The following NAV3 variants were observed in gnomAD, a reference collection of about 807,000 sequenced individuals.
The protein encoded by NAV3 is pore membrane and/or filament interacting like protein 1.
In NAV3, 87 loss-of-function variants were observed where a neutral mutation model predicts 244.7. The ratio of observed to expected loss-of-function variants is 0.36; its 90% confidence interval spans 0.30 to 0.42. The LOEUF (loss-of-function observed/expected upper bound fraction) is 0.42, where lower values mean the gene tolerates loss of function less well. Ranked by LOEUF, NAV3 falls within the 20% of genes least tolerant of loss-of-function variation. The pLI is 1.00. For missense variants in NAV3, 2,663 were observed against 2,893.3 expected (o/e 0.92, Z 1.83); for synonymous variants, 1,126 against 1,042.2 (o/e 1.08, Z -1.55).
At chr12:77,641,547 A>G (rs1032440029) in intron 2 of NAV3, among the ~76,000 whole-genome samples, 1 of 152,180 alleles carries the variant, frequency 6.6e-6, no homozygotes, top group East Asian at 1.9e-4. Flanking sequence ...TAGAACAAAA[A>G]ATAACCTTTT....
At chr12:78,043,614 G>T (rs146805703) in intron 9 of NAV3, among the ~76,000 whole-genome samples, 99 of 152,104 alleles carry the variant, frequency 6.5e-4, no homozygotes, top group African/African-American at 2.2e-3. Flanking sequence ...ACTTTTTAAT[G>T]ATCGCCATTC....
chr12:78,157,010 A>G (rs1431251294), intron 22 of NAV3, among the ~76,000 whole-genome samples: 2 of 152,172 alleles, frequency 1.3e-5, no homozygotes, highest in African/African-American at 4.8e-5. Context: ...TTTAAAGTGT[A>G]AGCTTGGGTA....
intron 1 of NAV3, among the ~76,000 whole-genome samples, chr12:77,906,290 G>A (rs901510122): frequency 3.3e-5 from 5 of 151,916 alleles, no homozygotes; most frequent in Non-Finnish European, 7.4e-5. Flanking sequence ...ATGAGAGAAA[G>A]CAAACAAGCT....
intron 11 of NAV3, among the ~76,000 whole-genome samples, chr12:78,053,272 G>A: frequency 6.6e-6 from 1 of 151,372 alleles, no homozygotes; most frequent in African/African-American, 2.4e-5. Context: ...GTATGTGTAT[G>A]TATGTATATA....
intron 2 of NAV3, among the ~76,000 whole-genome samples, chr12:77,689,589 ATACTT>A (rs1213078869): frequency 4.0e-5 from 6 of 151,860 alleles, no homozygotes; most frequent in Admixed American, 3.9e-4. Flanking sequence ...GCAGTGCACT[ATACTT>A]AGATGTTTTT....
rs553826758 is a variant in NAV3 at position 77,903,702 on chromosome 12, A to C, written c.244-36617A>C. On this transcript the variant is annotated intron_variant, in intron 1 of 39. Transcript: ENST00000397909. ...CAAAAGAAACTACCATCAGAGTGAAAAGGCAACCTACAGAATGGGAGAAAA... is the reference window on the plus strand; with the variant it reads ...CAAAAGAAACTACCATCAGAGTGAACAGGCAACCTACAGAATGGGAGAAAA... 1.5e-3 allele frequency among the ~76,000 whole-genome samples: 232 copies of C among 152,248 alleles called. 2 individuals carry two copies. The highest frequency in any genetic ancestry group is 5.0e-3 in the African/African-American group (208 of 41,562).
intron 5 of NAV3, among the ~76,000 whole-genome samples, chr12:77,976,923 C>T (rs188824289): frequency 1.3e-5 from 2 of 152,022 alleles, no homozygotes; most frequent in Admixed American, 1.3e-4. Context: ...GATCTGCCTG[C>T]CTCGGCCTCC....
chr12:77,982,532 G>T (rs990398892), intron 5 of NAV3, among the ~76,000 whole-genome samples: 2 of 152,174 alleles, frequency 1.3e-5, no homozygotes, highest in African/African-American at 4.8e-5. Context: ...CGAAGGAAAT[G>T]CCATTTCACA....
intron 2 of NAV3, among the ~76,000 whole-genome samples, chr12:77,696,293 T>G (rs1875295487): frequency 6.6e-6 from 1 of 152,170 alleles, no homozygotes; most frequent in African/African-American, 2.4e-5. Flanking sequence ...GACTGTGACT[T>G]CCGTCTTGCT....
chr12:77,773,443 C>T (rs575768715), intron 2 of NAV3, among the ~76,000 whole-genome samples: 33 of 152,202 alleles, frequency 2.2e-4, no homozygotes, highest in South Asian at 6.2e-4. Context: ...AATGATTTGC[C>T]GGTATTTACC....
At chr12:77,982,828 T>A (rs1367844932) in intron 5 of NAV3, among the ~76,000 whole-genome samples, 2 of 152,178 alleles carry the variant, frequency 1.3e-5, no homozygotes, top group African/African-American at 4.8e-5. Context: ...ACTTCCAAGA[T>A]GACTTCTTCA....
intron 18 of NAV3, among the ~76,000 whole-genome samples, chr12:78,133,180 C>T (rs928105381): frequency 1.3e-5 from 2 of 152,026 alleles, no homozygotes; most frequent in Non-Finnish European, 2.9e-5. Flanking sequence ...TCTCATGTAC[C>T]TCTCCAGATC....
intron 12 of NAV3, among the ~76,000 whole-genome samples, chr12:78,080,254 G>A (rs1014018491): frequency 2.0e-5 from 3 of 152,120 alleles, no homozygotes; most frequent in Admixed American, 2.0e-4. Flanking sequence ...AGTAGAAAGT[G>A]GAAAATGAAA....
Position 78,197,315 on chromosome 12 carries a change from A to T in NAV3, c.6360A>T (p.Pro2120=). The T allele has an allele frequency of 6.2e-7, 1 of 1,608,910 alleles. No individual in the cohort carries two copies. Among genetic ancestry groups the T allele is most frequent in the Non-Finnish European group, 8.5e-7 (1 of 1,176,834 alleles). Reference sequence around the variant, plus strand: ...CTGATAATAATGGAGTGGAGCTCCCAGTTGTAATAATTCTTGATAATCTTC... The same window carrying T: ...CTGATAATAATGGAGTGGAGCTCCCTGTTGTAATAATTCTTGATAATCTTC... ...CSADNNGVEL[P]VVIILDNLHH... Residue 2120 remains proline, a synonymous_variant, in exon 35 of 40, where the codon CCA becomes CCT. Coordinates refer to ENST00000397909, the MANE Select transcript of NAV3 (RefSeq NM_001024383.2).
chr12:77,610,230 CTCTTT>C (rs554860007), intron 2 of NAV3, among the ~76,000 whole-genome samples: 220 of 152,158 alleles, frequency 1.4e-3, no homozygotes, highest in Non-Finnish European at 2.4e-3. Context: ...TTGAAAAATG[CTCTTT>C]TCTTAGTCAC....
chr12:77,833,186 A>T (rs1006209606), intron 1 of NAV3, among the ~76,000 whole-genome samples: 3 of 152,102 alleles, frequency 2.0e-5, no homozygotes, highest in Non-Finnish European at 4.4e-5. Context: ...AATTATCTGG[A>T]TAATTTATTT....
At chr12:78,035,297 A>C (rs1489845680) in intron 9 of NAV3, among the ~76,000 whole-genome samples, 1 of 152,172 alleles carries the variant, frequency 6.6e-6, no homozygotes, top group African/African-American at 2.4e-5. Context: ...CCCTCATTTG[A>C]TAAAGGAGAA....
At chr12:77,887,874 T>A (rs1725143616) in intron 1 of NAV3, among the ~76,000 whole-genome samples, 1 of 152,192 alleles carries the variant, frequency 6.6e-6, no homozygotes, top group African/African-American at 2.4e-5. Context: ...AAATTGATGT[T>A]ATCAGAAATT....
At chr12:77,828,739 A>G (rs374738016), upstream of NAV3, among the ~76,000 whole-genome samples, 4 of 152,270 alleles carry the variant, frequency 2.6e-5, no homozygotes, top group East Asian at 5.8e-4. Flanking sequence ...ATACCATCTT[A>G]TATTTCAGTC....
Sources: gnomAD v4.1 joint callset for allele counts (sites outside exome capture counted in the v4.1 genomes callset) on GRCh38, gnomAD v4.1.1 for gene constraint, MANE v1.5 for transcripts, NCBI Gene and HGNC (gene_info 2026-07-23, HGNC 2026-07-21) for gene names.